Variants in SHISAL1 observed in about 807,000 individuals in gnomAD.
The protein encoded by SHISAL1 is protein shisa-like-1.
A neutral mutation model predicts 22.6 loss-of-function variants in SHISAL1; 9 were observed. The observed-to-expected ratio is 0.40, with a 90% CI of 0.24 to 0.70. The LOEUF (loss-of-function observed/expected upper bound fraction) is 0.70. Ranked by LOEUF, SHISAL1 falls within the 30% of genes least tolerant of loss-of-function variation. The pLI is 0.39. For missense variants in SHISAL1, 246 were observed against 270.6 expected (o/e 0.91, Z 0.64); for synonymous variants, 119 against 115.4 (o/e 1.03, Z -0.20).
intron 4 of SHISAL1, among the ~76,000 whole-genome samples, chr22:44,255,186 ATATATT>A (rs1401751441): frequency 6.6e-6 from 1 of 152,012 alleles, no homozygotes; most frequent in African/African-American, 2.4e-5. Context: ...GTTGATATAT[ATATATT>A]TTTTTTGAGA....
intron 4 of SHISAL1, among the ~76,000 whole-genome samples, chr22:44,254,785 T>C (rs1160958946): frequency 6.6e-6 from 1 of 151,890 alleles, no homozygotes; most frequent in African/African-American, 2.4e-5. Context: ...AAGCAGGAGA[T>C]ATAATATGTA....
intron 3 of SHISAL1, among the ~76,000 whole-genome samples, chr22:44,286,910 T>C (rs2055319784): frequency 6.6e-6 from 1 of 152,168 alleles, no homozygotes; most frequent in South Asian, 2.1e-4. Flanking sequence ...TGCAGGCATG[T>C]GTTTGGGTGG....
At chr22:44,261,075 C>CTT (rs1383127678) in intron 4 of SHISAL1, among the ~76,000 whole-genome samples, 1 of 53,948 alleles carries the variant, frequency 1.9e-5, no homozygotes, top group Non-Finnish European at 3.5e-5. Flanking sequence ...TGCTTCATTA[C>CTT]TTTATATATA....
In SHISAL1 at chr22:44,263,351, G is replaced by A. The variant is rs902818380; in HGVS notation, c.*-13666C>T. 4.1e-4 allele frequency among the ~76,000 whole-genome samples: 62 copies of A among 152,076 alleles called. 1 individual carries two copies. Among genetic ancestry groups the A allele is most frequent in the Admixed American group, 3.6e-3 (55 of 15,276 alleles). On this transcript the variant is annotated intron_variant, in intron 4 of 4. Transcript: ENST00000381176. ...CTCCCAAAGTGCTGGGATTACAGGC[G>A]TGAGCCACTGCACCCGGCCGCCTTC...
At chr22:44,305,523 G>A (rs1334193563) in intron 1 of SHISAL1, among the ~76,000 whole-genome samples, 1 of 152,254 alleles carries the variant, frequency 6.6e-6, no homozygotes, top group East Asian at 1.9e-4. Context: ...GTGAGACAAC[G>A]TGGTTCTAGG....
intron 2 of SHISAL1, among the ~76,000 whole-genome samples, chr22:44,299,757 AAGACAG>A (rs2055412895): frequency 6.6e-6 from 1 of 150,686 alleles, no homozygotes; most frequent in African/African-American, 2.4e-5. Flanking sequence ...GAGTCAGAGA[AAGACAG>A]AGACAGAGAC....
At chr22:44,252,229 T>C (rs1340789955) in intron 4 of SHISAL1, among the ~76,000 whole-genome samples, 1 of 152,140 alleles carries the variant, frequency 6.6e-6, no homozygotes, top group Non-Finnish European at 1.5e-5. Flanking sequence ...AAGAATTGCT[T>C]AGAAGTTTAA....
chr22:44,252,852 G>A lies in SHISAL1; in HGVS notation c.*-3167C>T, dbSNP rs113605389. ...TACTAAAAATACAAAAAAATTATCC[G>A]GGCGTGGTGGTGGGTGCCTGCAGTC... On this transcript the variant is annotated intron_variant, in intron 4 of 4. Coordinates refer to ENST00000381176, the MANE Select transcript of SHISAL1 (RefSeq NM_001099294.2). Among the ~76,000 whole-genome samples, 6 of 151,746 alleles carry A rather than the reference G, an allele frequency of 4.0e-5. No individual in the cohort carries two copies. In the East Asian group the frequency reaches 5.8e-4, roughly 15 times the overall value.
chr22:44,263,063 A>AT (rs912378051), intron 4 of SHISAL1, among the ~76,000 whole-genome samples: 13 of 73,724 alleles, frequency 1.8e-4, no homozygotes, highest in East Asian at 3.9e-4. Context: ...GCCTTCACGT[A>AT]TTTTTTTCTT....
chr22:44,301,195 A>G (rs2055426531), intron 1 of SHISAL1, among the ~76,000 whole-genome samples: 1 of 152,144 alleles, frequency 6.6e-6, no homozygotes, highest in Non-Finnish European at 1.5e-5. Flanking sequence ...TTTTCTTTTC[A>G]TGGCAAAATG....
chr22:44,317,990 C>T, the SHISAL1 span, among the ~76,000 whole-genome samples: 1 of 152,270 alleles, frequency 6.6e-6, no homozygotes, highest in Non-Finnish European at 1.5e-5. Context: ...CCTCCTGACA[C>T]CAAGGGGCCT....
rs2055020894 is a variant in SHISAL1, at chr22:44,248,311, A to G, written c.*1374T>C. On this transcript the variant is annotated 3_prime_UTR_variant, in exon 5 of 5. Transcript: ENST00000381176. ...GGAAACTGCGTCAGAGGACACACAC[A>G]TTGATCAAGCAGGGCCTCCCGAGCT... 2 of 145,680 alleles carry G rather than the reference A, an allele frequency of 1.4e-5. No individual in the cohort carries two copies. Among genetic ancestry groups the G allele is most frequent in the East Asian group, 1.9e-4 (1 of 5,176 alleles). The allele number at this position is 145,680 out of a possible 1,614,324, so 9.0% of individuals were successfully genotyped here. A position where few individuals can be genotyped will look rare whatever the true frequency, so the allele number is the denominator to read the frequency against.
chr22:44,254,436 C>G (rs1428701780), intron 4 of SHISAL1, among the ~76,000 whole-genome samples: 1 of 152,088 alleles, frequency 6.6e-6, no homozygotes, highest in African/African-American at 2.4e-5. Context: ...TCATAGTTCA[C>G]TGCAACCTCA....
the SHISAL1 span, among the ~76,000 whole-genome samples, chr22:44,323,834 T>C: frequency 6.6e-6 from 1 of 152,378 alleles, no homozygotes; most frequent in East Asian, 1.9e-4. Context: ...CTGTGCCTCC[T>C]TGGTGTTTCT....
chr22:44,258,489 G>T, intron 4 of SHISAL1, among the ~76,000 whole-genome samples: 1 of 152,226 alleles, frequency 6.6e-6, no homozygotes, highest in South Asian at 2.1e-4. Context: ...CCTCCAGTGG[G>T]CCCTAGTGTG....
chr22:44,251,898 C>A (rs2055050088), intron 4 of SHISAL1, among the ~76,000 whole-genome samples: 1 of 152,068 alleles, frequency 6.6e-6, no homozygotes, highest in Non-Finnish European at 1.5e-5. Flanking sequence ...TGCCCCTGAA[C>A]CGTATACTTA....
rs376703784 is a variant in SHISAL1 at position 44,285,651 on chromosome 22, C to T, written c.376G>A (p.Asp126Asn). The part of the protein sequence containing the change: ...DLLYYSAMNY[D>N]ICKVYLARWG... The stretch of plus-strand genomic sequence containing the variant: ...CGTGCCAGGTAGACCTTGCAGATGT[C>T]GTAGTTCATTGCCGAGTAATACAAA... Residue 126 changes from aspartate (D) to asparagine (N), a missense_variant, in exon 4 of 5, where the codon GAC becomes AAC. Physicochemically the swap from Asp to Asn is conservative, Grantham distance 23. Coordinates refer to ENST00000381176, the MANE Select transcript of SHISAL1 (RefSeq NM_001099294.2). 90 of 1,614,074 alleles carry T rather than the reference C, an allele frequency of 5.6e-5. No homozygotes were observed. Among genetic ancestry groups the T allele is most frequent in the Non-Finnish European group, 7.3e-5 (86 of 1,180,024 alleles).
intron 2 of SHISAL1, among the ~76,000 whole-genome samples, chr22:44,299,185 T>C (rs921961635): frequency 1.3e-5 from 2 of 152,140 alleles, no homozygotes; most frequent in African/African-American, 4.8e-5. Flanking sequence ...GCTTCTGCTC[T>C]GGGGCATGGC....
At chr22:44,313,588 C>T (rs115522849), upstream of SHISAL1, among the ~76,000 whole-genome samples, 2,552 of 152,322 alleles carry the variant, frequency 0.017, 73 homozygotes, top group African/African-American at 0.059. Flanking sequence ...TGCCACTGTT[C>T]GAAACACATC....
Sources: allele counts gnomAD v4.1 joint callset (sites outside exome capture counted in the v4.1 genomes callset), GRCh38; gene constraint gnomAD v4.1.1; transcripts MANE v1.5; gene names NCBI Gene and HGNC (gene_info 2026-07-23, HGNC 2026-07-21).